Variants in FBXO5 observed in about 807,000 individuals in gnomAD.
FBXO5 encodes F-box protein 5, also known as F-box only protein 5.
A neutral mutation model predicts 43.3 loss-of-function variants in FBXO5; 8 were observed. The observed-to-expected ratio is 0.18, with a 90% CI of 0.11 to 0.33. The LOEUF (loss-of-function observed/expected upper bound fraction) is 0.33. Ranked by LOEUF, FBXO5 falls within the 10% of genes least tolerant of loss-of-function variation. The probability of loss-of-function intolerance (pLI) is 1.00; values close to 1 mark genes in which losing one functional copy is unlikely to be tolerated. For missense variants in FBXO5, 491 were observed against 535.7 expected (o/e 0.92, Z 0.82); for synonymous variants, 204 against 193.7 (o/e 1.05, Z -0.44).
chr6:152,983,249 G>A (rs1778296812), upstream of FBXO5: 2 of 325,838 alleles, frequency 6.1e-6, no homozygotes, highest in South Asian at 1.1e-4. Flanking sequence ...CCCCACGTCC[G>A]GAAAGATGCT....
chr6:152,975,076 G>A lies in FBXO5; in HGVS notation c.649C>T (p.Arg217Trp), dbSNP rs199732439. ...KNAKRNPKVD[R>W]EMLKEIIARG... ...GCTATAATTTCCTTCAGCATCTCCC[G>A]ATCTACTTTAGGATTTCGTTTTGCA... Residue 217 changes from arginine to tryptophan, a missense_variant, in exon 2 of 5, where the codon CGG (arginine) becomes TGG (tryptophan). Arg to Trp is a moderately radical substitution (Grantham distance 101). Transcript: ENST00000229758. 3.7e-6 allele frequency: 6 copies of A among 1,614,046 alleles called. No homozygotes were observed. The highest frequency in any genetic ancestry group is 2.2e-5 in the South Asian group (2 of 91,066).
chr6:152,970,846 T>A lies in FBXO5; in HGVS notation c.*317A>T. 5.0e-6 allele frequency: 1 copy of A among 201,726 alleles called. No individual in the cohort carries two copies. Among genetic ancestry groups the A allele is most frequent in the East Asian group, 1.3e-4 (1 of 7,930 alleles). The allele number at this position is 201,726 out of a possible 1,614,324, so 12.5% of individuals were successfully genotyped here. On this transcript the variant is annotated 3_prime_UTR_variant, in exon 5 of 5. Coordinates refer to ENST00000229758, the MANE Select transcript of FBXO5 (RefSeq NM_012177.5). ...CCAGACATATTTAAGACTGTCTAGG[T>A]AAAATTGCATGGGTTTCCTTTACCA...
At chr6:152,980,637 G>A (rs1778246410) in intron 1 of FBXO5, among the ~76,000 whole-genome samples, 1 of 152,146 alleles carries the variant, frequency 6.6e-6, no homozygotes. Context: ...GAAGTAGAGT[G>A]TGGGAAACCC....
At position 152,975,197 on chromosome 6, in the gene FBXO5, G is replaced by C; in HGVS notation, c.528C>G (p.Cys176Trp). 4.3e-6 allele frequency: 7 copies of C among 1,614,166 alleles called. No individual in the cohort carries two copies. The highest frequency in any genetic ancestry group is 5.9e-6 in the Non-Finnish European group (7 of 1,180,030). The change falls in exon 2 of 5, where the codon TGC (cysteine) becomes TGG (tryptophan). Residue 176 changes from cysteine (C) to tryptophan (W), a missense_variant. Transcript: ENST00000229758. ...GGTCTGGGCTTTGTATTTGTAGCAG[G>C]CAGGATTGTAGACTGTCACCGAAAT... ...EENFGDSLQSCLLQIQSPDQY... is the reference protein window; with the variant it reads ...EENFGDSLQSWLLQIQSPDQY...
At chr6:152,972,985 T>G in intron 3 of FBXO5, 61 bp downstream of exon 3, 1 of 1,352,918 alleles carries the variant, frequency 7.4e-7, no homozygotes, top group Non-Finnish European at 1.1e-6. Context: ...TTTTCTTTTC[T>G]ATTTCTAGAA....
At chr6:152,979,265 A>G (rs887574033) in intron 1 of FBXO5, among the ~76,000 whole-genome samples, 9 of 152,186 alleles carry the variant, frequency 5.9e-5, no homozygotes, top group African/African-American at 1.2e-4. Context: ...TTTAGTCATC[A>G]TATCTCCTTA....
chr6:152,979,853 T>C (rs1431034235), intron 1 of FBXO5, among the ~76,000 whole-genome samples: 1 of 152,210 alleles, frequency 6.6e-6, no homozygotes, highest in African/African-American at 2.4e-5. Context: ...AAGTGCATCT[T>C]ATAATTTCCG....
chr6:152,976,186 G>A (rs1778166724), intron 1 of FBXO5, among the ~76,000 whole-genome samples: 1 of 152,124 alleles, frequency 6.6e-6, no homozygotes, highest in Admixed American at 6.6e-5. Context: ...GAATAATCTT[G>A]ATAAAAATAA....
At chr6:152,982,752 G>A (rs1778282740) in intron 1 of FBXO5, 105 bp downstream of exon 1, 3 of 749,976 alleles carry the variant, frequency 4.0e-6, no homozygotes, top group Non-Finnish European at 5.8e-6. Flanking sequence ...GCATGGCCGC[G>A]CGTCCAGGCT....
At chr6:152,972,998 G>A (rs1778109653) in intron 3 of FBXO5, 48 bp downstream of exon 3, 24 of 1,421,338 alleles carry the variant, frequency 1.7e-5, no homozygotes, top group Non-Finnish European at 2.4e-5. Flanking sequence ...TTCTAGAAGA[G>A]CACTAACAGT....
Position 152,975,761 on chromosome 6 carries a change from A to C in FBXO5, c.104-140T>G, listed in dbSNP as rs1016475462. 5.1e-6 allele frequency: 3 copies of C among 585,084 alleles called. No homozygotes were observed. In the African/African-American group the frequency reaches 5.7e-5, roughly 11 times the overall value. The allele number at this position is 585,084 out of a possible 1,614,324, so 36.2% of individuals were successfully genotyped here. On this transcript the variant is annotated intron_variant, in intron 1 of 4. Coordinates refer to ENST00000229758, the MANE Select transcript of FBXO5 (RefSeq NM_012177.5). ...ACATGTACTTGCTTACATAGCTGTG[A>C]TGTTATTCAAGTTTAATTATTGATA...
rs781193898 is a variant in FBXO5, at chr6:152,975,409, C to T, written c.316G>A (p.Val106Ile). The T allele has an allele frequency of 4.3e-6, 7 of 1,613,832 alleles. No homozygotes were observed. Among genetic ancestry groups the T allele is most frequent in the Non-Finnish European group, 5.9e-6 (7 of 1,179,924 alleles). The change falls in exon 2 of 5, where the codon GTA becomes ATA. Residue 106 changes from valine (V) to isoleucine (I), a missense_variant. Transcript: ENST00000229758. ...CGCTTGCTTTCAGTTTCAAGTTGTACAATCCTAGGGCTCACAATCGGTGAC... is the reference window on the plus strand; with the variant it reads ...CGCTTGCTTTCAGTTTCAAGTTGTATAATCCTAGGGCTCACAATCGGTGAC... ...IGSPIVSPRI[V>I]QLETESKRLH...
rs767267289 is a variant in FBXO5, at chr6:152,971,459, A to G, written c.1093-45T>C. On this transcript the variant is annotated intron_variant, in intron 4 of 4. Coordinates refer to ENST00000229758, the MANE Select transcript of FBXO5 (RefSeq NM_012177.5). ...CCATTAACAAATTTCAGCAAGAATT[A>G]CATGTACTTTAGTTAATAAAACCAA... The G allele has an allele frequency of 5.1e-6, 8 of 1,556,066 alleles. No individual in the cohort carries two copies. The Admixed American group carries it at 1.3e-4, about 24-fold the overall frequency.
intron 4 of FBXO5, among the ~76,000 whole-genome samples, chr6:152,971,989 G>C (rs530402278): frequency 8.5e-5 from 13 of 152,252 alleles, no homozygotes; most frequent in Admixed American, 2.6e-4. Context: ...ATGCCAAGCA[G>C]TACCTAATAT....
chr6:152,981,157 A>T (rs1778252539), intron 1 of FBXO5, among the ~76,000 whole-genome samples: 1 of 152,208 alleles, frequency 6.6e-6, no homozygotes, highest in African/African-American at 2.4e-5. Context: ...GTGAACTTGG[A>T]ATGTCCTATT....
Position 152,975,047 on chromosome 6 carries a change from T to C in FBXO5, c.678A>G (p.Arg226=), listed in dbSNP as rs772321512. 6.2e-7 allele frequency: 1 copy of C among 1,614,198 alleles called. No individual in the cohort carries two copies. The highest frequency in any genetic ancestry group is 8.5e-7 in the Non-Finnish European group (1 of 1,180,044). ...TTATATTCTGCAGTCTAAAATTTCCTCTGGCTATAATTTCCTTCAGCATCT... is the reference window on the plus strand; with the variant it reads ...TTATATTCTGCAGTCTAAAATTTCCCCTGGCTATAATTTCCTTCAGCATCT... ...DREMLKEIIA[R]GNFRLQNIIG... is the part of the protein sequence containing the mutation. The change falls in exon 2 of 5, where the codon AGA becomes AGG. Residue 226 remains arginine, a synonymous_variant. Transcript: ENST00000229758.
Position 152,974,587 on chromosome 6 carries a change from C to T in FBXO5, c.818+320G>A, listed in dbSNP as rs75709731. Among the ~76,000 whole-genome samples, 908 of 152,308 alleles carry T rather than the reference C, an allele frequency of 6.0e-3. 7 individuals carry two copies. The highest frequency in any genetic ancestry group is 0.021 in the African/African-American group (853 of 41,554). Reference sequence around the variant, plus strand: ...GCAAGTCATTACCGCAATTAAACAACATTGTAAGGTTATCTACAACAGGTT... The same window carrying T: ...GCAAGTCATTACCGCAATTAAACAATATTGTAAGGTTATCTACAACAGGTT... On this transcript the variant is annotated intron_variant, in intron 2 of 4. Transcript: ENST00000229758.
In FBXO5 at chr6:152,971,200, C is replaced by T; in HGVS notation, c.1307G>A (p.Gly436Asp). 6.2e-7 allele frequency: 1 copy of T among 1,612,328 alleles called. No homozygotes were observed. The highest frequency in any genetic ancestry group is 1.3e-5 in the African/African-American group (1 of 74,930). The part of the protein sequence containing the change: ...KASCKIGPLP[G>D]TKKSKKNLRR... ...TAAATTCTTTTTGCTTTTCTTTGTACCAGGCAGGGGACCTATTTTACAACT... is the reference window on the plus strand; with the variant it reads ...TAAATTCTTTTTGCTTTTCTTTGTATCAGGCAGGGGACCTATTTTACAACT... Residue 436 changes from glycine to aspartate, a missense_variant, in exon 5 of 5, where the codon GGT becomes GAT. Transcript: ENST00000229758.
In FBXO5 at chr6:152,975,492, T is replaced by C; in HGVS notation, c.233A>G (p.Tyr78Cys). The C allele has an allele frequency of 6.2e-7, 1 of 1,613,970 alleles. No homozygotes were observed. The highest frequency in any genetic ancestry group is 8.5e-7 in the Non-Finnish European group (1 of 1,179,978). Residue 78 changes from tyrosine to cysteine, a missense_variant, in exon 2 of 5, where the codon TAT becomes TGT. Transcript: ENST00000229758. ...IGRLVSYTPA[Y>C]LEGSCKDCIK... ...GCAGTCTTTACAGGAACCTTCCAAA[T>C]ATGCAGGGGTGTAGGAAACTAGTCT... is the stretch of plus-strand genomic sequence containing the variant.
Sources: allele counts gnomAD v4.1 joint callset (sites outside exome capture counted in the v4.1 genomes callset), GRCh38; gene constraint gnomAD v4.1.1; transcripts MANE v1.5; gene names NCBI Gene and HGNC (gene_info 2026-07-23, HGNC 2026-07-21).